Variants in SLCO1A2 observed in about 807,000 individuals in gnomAD.
SLCO1A2 encodes the protein OATP-1.
Under a neutral mutation model 69.0 loss-of-function variants are expected in SLCO1A2, and 67 were observed. That is an observed-to-expected ratio of 0.97 (90% CI 0.80 to 1.19). SLCO1A2 has a LOEUF of 1.19. SLCO1A2 is among the 50% of genes most tolerant of loss of function. The pLI, the probability that SLCO1A2 is intolerant of heterozygous loss-of-function variation, is 0.00. For synonymous variants in SLCO1A2, 260 were observed against 265.9 expected, an observed-to-expected ratio of 0.98 and a Z score of 0.22; for missense variants, 787 against 793.7, an observed-to-expected ratio of 0.99 and a Z score of 0.10.
At chr12:21,413,900 G>A (rs1318585756) in intron 1 of SLCO1A2, among the ~76,000 whole-genome samples, 4 of 152,054 alleles carry the variant, frequency 2.6e-5, no homozygotes, top group Non-Finnish European at 5.9e-5. Context: ...TAATCACTCC[G>A]GTACCACAGC....
chr12:21,347,702 A>AAGAAAG lies in SLCO1A2; in HGVS notation c.-62-12994_-62-12993insCTTTCT, dbSNP rs141241061. 5.4e-3 allele frequency among the ~76,000 whole-genome samples: 796 copies of AAGAAAG among 148,188 alleles called. 4 individuals are homozygous for AAGAAAG. Among genetic ancestry groups the AAGAAAG allele is most frequent in the African/African-American group, 0.015 (574 of 38,908 alleles). Reference sequence around the variant, plus strand: ...GAAGGAAGGAAGGAAGGAAGGAAGAAGGAAAAAAGGAAGGAAGAGGGAAGC... The same window carrying AAGAAAG: ...GAAGGAAGGAAGGAAGGAAGGAAGAAAGAAAGGGAAAAAAGGAAGGAAGAGGGAAGC... On this transcript the variant is annotated intron_variant, in intron 2 of 15. Coordinates refer to the SLCO1A2 transcript ENST00000307378.
At chr12:21,415,499 T>C (rs1438904612) in intron 1 of SLCO1A2, among the ~76,000 whole-genome samples, 1 of 152,148 alleles carries the variant, frequency 6.6e-6, no homozygotes, top group Non-Finnish European at 1.5e-5. Context: ...AGATCTTGTC[T>C]GCCTGAGAAT....
At chr12:21,373,468 TGTAAAG>T (rs1939951043) in intron 2 of SLCO1A2, 1 of 1,402,738 alleles carries the variant, frequency 7.1e-7, no homozygotes. Context: ...TTGTAACTTT[TGTAAAG>T]TGTGAGAAAA....
At chr12:21,335,239 G>A (rs1237977457), upstream of SLCO1A2, among the ~76,000 whole-genome samples, 1 of 151,834 alleles carries the variant, frequency 6.6e-6, no homozygotes, top group Non-Finnish European at 1.5e-5. Flanking sequence ...GGAAACCTGG[G>A]GAGACACGGA....
At chr12:21,371,012 G>A (rs539302742) in intron 2 of SLCO1A2, among the ~76,000 whole-genome samples, 3 of 152,246 alleles carry the variant, frequency 2.0e-5, no homozygotes, top group Non-Finnish European at 4.4e-5. Flanking sequence ...GACTGCTCCT[G>A]CAGGGCAGGG....
upstream of SLCO1A2, among the ~76,000 whole-genome samples, chr12:21,395,681 C>T (rs910166022): frequency 2.6e-5 from 4 of 152,314 alleles, no homozygotes; most frequent in South Asian, 2.1e-4. Context: ...CATCTGAGAA[C>T]GGGCAGACTG....
intron 2 of SLCO1A2, among the ~76,000 whole-genome samples, chr12:21,371,489 G>C (rs376941563): frequency 6.6e-6 from 1 of 152,014 alleles, no homozygotes; most frequent in South Asian, 2.1e-4. Context: ...TTCTAAACAA[G>C]TTTCTTTCCT....
intron 5 of SLCO1A2, 122 bp from the exon 6 acceptor site, chr12:21,304,695 T>C: frequency 1.1e-6 from 1 of 933,518 alleles, no homozygotes; most frequent in Admixed American, 2.6e-5. Flanking sequence ...CAATGATTTA[T>C]ATTACTATTC....
chr12:21,272,562 C>T (rs181052916), intron 14 of SLCO1A2, among the ~76,000 whole-genome samples: 291 of 151,902 alleles, frequency 1.9e-3, no homozygotes, highest in African/African-American at 6.6e-3. Context: ...CTTTAACTTA[C>T]TTATATTTTG....
rs539811903 is a variant in SLCO1A2 at position 21,385,580 on chromosome 12, C to CG, written c.-190+9325dup. Among the ~76,000 whole-genome samples, 43 of 152,196 alleles carry CG rather than the reference C, an allele frequency of 2.8e-4. No individual in the cohort carries two copies. In the South Asian group the frequency reaches 8.7e-3, roughly 31 times the overall value. ...GGGGTAAACTGTGAGGAAAGCAAAA[C>CG]GGAAAAAGAGCAAAAGAGAAGGGCA... is the stretch of plus-strand genomic sequence containing the variant. On this transcript the variant is annotated intron_variant, in intron 1 of 15. Coordinates refer to the SLCO1A2 transcript ENST00000307378.
intron 2 of SLCO1A2, among the ~76,000 whole-genome samples, chr12:21,362,030 A>T (rs1046276330): frequency 3.3e-5 from 5 of 152,184 alleles, no homozygotes; most frequent in African/African-American, 1.2e-4. Context: ...ATTCAAATTC[A>T]GAAAATACAG....
intron 4 of SLCO1A2, among the ~76,000 whole-genome samples, chr12:21,312,027 AGAAGAAGAAGAG>A (rs902309854): frequency 5.4e-5 from 8 of 147,726 alleles, no homozygotes; most frequent in African/African-American, 1.0e-4. Context: ...AGGGAGGAGG[AGAAGAAGAAGAG>A]GAAGAAGAAG....
chr12:21,271,875 T>C (rs1942934196), intron 14 of SLCO1A2, among the ~76,000 whole-genome samples: 1 of 149,326 alleles, frequency 6.7e-6, no homozygotes, highest in Non-Finnish European at 1.5e-5. Context: ...TGCAAATATA[T>C]ACATATGTGT....
intron 2 of SLCO1A2, among the ~76,000 whole-genome samples, chr12:21,348,185 A>C (rs936936035): frequency 6.6e-6 from 1 of 152,212 alleles, no homozygotes; most frequent in African/African-American, 2.4e-5. Flanking sequence ...ACCTAAAATA[A>C]GCACATCATG....
chr12:21,327,039 GAGGCCT>G (rs928975184), intron 2 of SLCO1A2, among the ~76,000 whole-genome samples: 6 of 152,058 alleles, frequency 3.9e-5, no homozygotes, highest in African/African-American at 1.4e-4. Flanking sequence ...CACAGGCCCA[GAGGCCT>G]AGGAGGAAAA....
chr12:21,375,541 ATACT>A (rs1185184558), intron 1 of SLCO1A2, among the ~76,000 whole-genome samples: 2 of 152,232 alleles, frequency 1.3e-5, no homozygotes, highest in Non-Finnish European at 2.9e-5. Flanking sequence ...AAAGGATCAC[ATACT>A]TTCCCACCAA....
intron 5 of SLCO1A2, among the ~76,000 whole-genome samples, chr12:21,306,271 A>G (rs1275714789): frequency 2.0e-5 from 3 of 152,038 alleles, no homozygotes; most frequent in Non-Finnish European, 4.4e-5. Flanking sequence ...ATCCATCCTT[A>G]TAAGATGTTT....
intron 2 of SLCO1A2, among the ~76,000 whole-genome samples, chr12:21,344,667 C>A (rs1411944771): frequency 6.6e-6 from 1 of 151,774 alleles, no homozygotes; most frequent in Non-Finnish European, 1.5e-5. Flanking sequence ...ATGAATGCAG[C>A]AGAAAATTAT....
chr12:21,317,764 G>A (rs1279973110), intron 3 of SLCO1A2, among the ~76,000 whole-genome samples: 1 of 152,120 alleles, frequency 6.6e-6, no homozygotes, highest in African/African-American at 2.4e-5. Context: ...TATATTAAAG[G>A]AAATTATCAC....
Sources: gnomAD v4.1 joint callset for allele counts (sites outside exome capture counted in the v4.1 genomes callset) on GRCh38, gnomAD v4.1.1 for gene constraint, MANE v1.5 for transcripts, NCBI Gene and HGNC (gene_info 2026-07-23, HGNC 2026-07-21) for gene names.